The following KIF2A variants were observed in gnomAD, a reference collection of about 807,000 sequenced individuals.
KIF2A encodes kinesin family member 2A.
In KIF2A, 22 loss-of-function variants were observed where a neutral mutation model predicts 100.2. The ratio of observed to expected loss-of-function variants is 0.22; its 90% confidence interval spans 0.16 to 0.31. KIF2A has a LOEUF of 0.31. Among genes scored for constraint, KIF2A ranks in the 10% least tolerant of loss-of-function variants. KIF2A has a pLI of 1.00. For synonymous variants in KIF2A, 268 were observed against 285.9 expected, an observed-to-expected ratio of 0.94 and a Z score of 0.63; for missense variants, 495 against 898.7, an observed-to-expected ratio of 0.55 and a Z score of 5.74.
chr5:62,324,406 T>A (rs949610761), intron 1 of KIF2A, among the ~76,000 whole-genome samples: 2 of 152,018 alleles, frequency 1.3e-5, no homozygotes, highest in African/African-American at 4.8e-5. Context: ...GCCGAAACAA[T>A]CCTAAGCAAA....
At chr5:62,358,915 C>T (rs1286620389) in intron 9 of KIF2A, among the ~76,000 whole-genome samples, 1 of 152,248 alleles carries the variant, frequency 6.6e-6, no homozygotes. Context: ...AAGTGATCTG[C>T]CCGCCTTGGC....
At chr5:62,308,174 T>A in intron 1 of KIF2A, 1 of 341,684 alleles carries the variant, frequency 2.9e-6, no homozygotes, top group East Asian at 6.0e-5. Context: ...AGATAAATTA[T>A]ACCGCTTAGA....
chr5:62,357,627 A>AT (rs1231662078), intron 7 of KIF2A, 64 bp from the exon 8 acceptor site: 3 of 800,350 alleles, frequency 3.7e-6, no homozygotes, highest in Non-Finnish European at 6.0e-6. Flanking sequence ...ATATTACATA[A>AT]TTTACGTTTT....
intron 12 of KIF2A, 113 bp from the exon 13 acceptor site, chr5:62,363,065 C>T (rs1392484399): frequency 1.3e-6 from 1 of 799,326 alleles, no homozygotes; most frequent in African/African-American, 1.8e-5. Flanking sequence ...TGAGCTCAAG[C>T]CATCCTCCTG....
chr5:62,388,779 T>G lies in KIF2A; in HGVS notation c.*3210T>G, dbSNP rs1742156001. On this transcript the variant is annotated 3_prime_UTR_variant, in exon 21 of 21. Coordinates refer to ENST00000407818, the MANE Select transcript of KIF2A (RefSeq NM_001098511.3). The stretch of plus-strand genomic sequence containing the variant: ...TGTGCGTCTCTGCGGCTCCTGAACT[T>G]GAAGATTATTATGAATAGATTGGAC... 1.8e-6 allele frequency: 1 copy of G among 540,938 alleles called. No individual in the cohort carries two copies. Among genetic ancestry groups the G allele is most frequent in the Non-Finnish European group, 3.3e-6 (1 of 301,976 alleles). 33.5% of individuals were successfully genotyped at this position (540,938 alleles called of 1,614,324 possible).
intron 2 of KIF2A, 150 bp from the exon 3 acceptor site, chr5:62,347,898 A>G (rs1644942605): frequency 7.0e-6 from 5 of 715,166 alleles, no homozygotes; most frequent in African/African-American, 1.8e-5. Context: ...TGCTAAGATT[A>G]CAGGCATGAG....
At position 62,383,146 on chromosome 5, in the gene KIF2A, C is replaced by T. The variant is rs542806435; in HGVS notation, c.2149+1893C>T. ...TTCACCATATTGGCCAGGCTGGTAT[C>T]GAACTCCTGACCTCACGTGATGCAC... is the stretch of plus-strand genomic sequence containing the variant. On this transcript the variant is annotated intron_variant, in intron 20 of 20. Coordinates refer to ENST00000407818, the MANE Select transcript of KIF2A (RefSeq NM_001098511.3). Among the ~76,000 whole-genome samples the T allele has an allele frequency of 1.9e-4, 29 of 149,436 alleles. No homozygotes were observed. In the Middle Eastern group the frequency reaches 0.01, roughly 54 times the overall value.
intron 14 of KIF2A, 58 bp from the exon 15 acceptor site, chr5:62,365,178 ATGTTAAT>A: frequency 1.3e-6 from 1 of 771,180 alleles, no homozygotes; most frequent in Non-Finnish European, 2.1e-6. Flanking sequence ...CTTTTAAAAT[ATGTTAAT>A]TAAGATTATC....
At chr5:62,332,782 T>G (rs1746719081) in intron 1 of KIF2A, among the ~76,000 whole-genome samples, 1 of 152,222 alleles carries the variant, frequency 6.6e-6, no homozygotes, top group Non-Finnish European at 1.5e-5. Context: ...TCATCATGTG[T>G]GATCAATACA....
At chr5:62,334,768 C>T (rs1477892449) in intron 1 of KIF2A, among the ~76,000 whole-genome samples, 1 of 152,080 alleles carries the variant, frequency 6.6e-6, no homozygotes, top group African/African-American at 2.4e-5. Context: ...CCCTGGAGAC[C>T]AGTAATCTGC....
intron 18 of KIF2A, 135 bp from the exon 19 acceptor site, chr5:62,377,526 A>G (rs1741602310): frequency 2.3e-6 from 1 of 439,452 alleles, no homozygotes; most frequent in Non-Finnish European, 4.1e-6. Context: ...TTTGCCTTTT[A>G]TATATATTTT....
At chr5:62,312,598 A>G (rs1478760770) in intron 1 of KIF2A, among the ~76,000 whole-genome samples, 1 of 152,232 alleles carries the variant, frequency 6.6e-6, no homozygotes, top group East Asian at 1.9e-4. Context: ...AACCTTGGAT[A>G]AAACTAATTT....
chr5:62,336,314 G>A (rs890382392), intron 1 of KIF2A, among the ~76,000 whole-genome samples: 8 of 152,182 alleles, frequency 5.3e-5, no homozygotes, highest in Admixed American at 3.3e-4. Flanking sequence ...TTTAAATGCC[G>A]CTGATTTGCT....
chr5:62,326,172 T>C (rs1449431697), intron 1 of KIF2A, among the ~76,000 whole-genome samples: 1 of 152,246 alleles, frequency 6.6e-6, no homozygotes, highest in Non-Finnish European at 1.5e-5. Flanking sequence ...TCTTGGTTTC[T>C]GATCTACTTT....
chr5:62,324,578 T>G (rs962165553), intron 1 of KIF2A, among the ~76,000 whole-genome samples: 13 of 152,180 alleles, frequency 8.5e-5, no homozygotes, highest in Non-Finnish European at 1.8e-4. Flanking sequence ...CATCTGATCT[T>G]CAGCAAAGTC....
intron 9 of KIF2A, among the ~76,000 whole-genome samples, chr5:62,360,924 A>G (rs1268306524): frequency 6.6e-6 from 1 of 151,782 alleles, no homozygotes; most frequent in Non-Finnish European, 1.5e-5. Flanking sequence ...TGAGATTACC[A>G]CTCTTGTTTA....
chr5:62,372,619 A>G (rs1004562763), intron 17 of KIF2A, 68 bp downstream of exon 17: 28 of 899,402 alleles, frequency 3.1e-5, no homozygotes, highest in Non-Finnish European at 4.8e-5. Flanking sequence ...TTGTATAAAC[A>G]TTTCATTTGC....
chr5:62,376,720 C>T (rs1359720269), intron 18 of KIF2A, among the ~76,000 whole-genome samples: 2 of 150,842 alleles, frequency 1.3e-5, no homozygotes, highest in African/African-American at 5.0e-5. Flanking sequence ...CACACCCAGC[C>T]GAAGTTTTTT....
At chr5:62,361,358 C>A in intron 10 of KIF2A, 26 bp downstream of exon 10, 2 of 1,523,902 alleles carry the variant, frequency 1.3e-6, no homozygotes, top group Non-Finnish European at 1.8e-6. Context: ...AAGTTACATT[C>A]TGGTACGAAG....
Sources: gnomAD v4.1 joint callset for allele counts (sites outside exome capture counted in the v4.1 genomes callset) on GRCh38, gnomAD v4.1.1 for gene constraint, MANE v1.5 for transcripts, NCBI Gene and HGNC (gene_info 2026-07-23, HGNC 2026-07-21) for gene names.